AGBL1: variants seen among roughly 807,000 people sequenced by gnomAD.
The protein encoded by AGBL1 is AGBL carboxypeptidase 1.
Under a neutral mutation model 118.9 loss-of-function variants are expected in AGBL1, and 130 were observed. That is an observed-to-expected ratio of 1.09 (90% CI 0.95 to 1.26). The LOEUF is 1.26. Among genes scored for constraint, AGBL1 ranks in the 50% most tolerant of loss-of-function variants. The pLI, the probability that AGBL1 is intolerant of heterozygous loss-of-function variation, is 0.00. For synonymous variants in AGBL1, 555 were observed against 478.9 expected (o/e 1.16, Z -2.08); for missense variants, 1,584 against 1,298.1 (o/e 1.22, Z -3.38).
intron 5 of AGBL1, among the ~76,000 whole-genome samples, chr15:86,198,443 A>G (rs1256710941): frequency 1.3e-5 from 2 of 152,146 alleles, no homozygotes; most frequent in Non-Finnish European, 2.9e-5. Context: ...GATGGAGTGG[A>G]TGTACTTTGC....
chr15:86,806,224 T>A (rs1193608797), intron 22 of AGBL1, among the ~76,000 whole-genome samples: 2 of 152,052 alleles, frequency 1.3e-5, no homozygotes, highest in South Asian at 2.1e-4. Flanking sequence ...GACATAGACA[T>A]ACTATAGATC....
chr15:86,353,848 G>A (rs1343662266), intron 17 of AGBL1, among the ~76,000 whole-genome samples: 1 of 152,196 alleles, frequency 6.6e-6, no homozygotes, highest in African/African-American at 2.4e-5. Flanking sequence ...AGAGTCGTAT[G>A]AGAACCCAAT....
rs542249757 is a variant in AGBL1, at chr15:86,573,963, G to A, written c.2994+19426G>A. 3.3e-5 allele frequency among the ~76,000 whole-genome samples: 5 copies of A among 152,170 alleles called. No homozygotes were observed. The South Asian group carries it at 1.0e-3, about 32-fold the overall frequency. ...AAATACTTTCCCTTTTCAAAATGAT[G>A]TATAGTTTACAAAACATTTTCATAA... On this transcript the variant is annotated intron_variant, in intron 21 of 22. Coordinates refer to ENST00000614907, the MANE Select transcript of AGBL1 (RefSeq NM_001386094.1).
At chr15:86,882,144 A>G (rs979814081) in intron 22 of AGBL1, among the ~76,000 whole-genome samples, 3 of 152,182 alleles carry the variant, frequency 2.0e-5, no homozygotes, top group Non-Finnish European at 4.4e-5. Flanking sequence ...GGTCACCATG[A>G]CACGGCTACC....
At chr15:87,011,859 T>G (rs537622856) in intron 24 of AGBL1, among the ~76,000 whole-genome samples, 2 of 152,340 alleles carry the variant, frequency 1.3e-5, no homozygotes, top group Admixed American at 1.3e-4. Context: ...ATTGTGTATA[T>G]TTTTCTAATT....
chr15:86,682,104 G>C (rs757702189), intron 22 of AGBL1, among the ~76,000 whole-genome samples: 1 of 152,046 alleles, frequency 6.6e-6, no homozygotes, highest in Non-Finnish European at 1.5e-5. Flanking sequence ...AAAAATTAGC[G>C]CATAGTATGA....
chr15:86,829,244 C>T (rs1363063959), intron 22 of AGBL1, among the ~76,000 whole-genome samples: 1 of 152,090 alleles, frequency 6.6e-6, no homozygotes, highest in Non-Finnish European at 1.5e-5. Context: ...AGAGGCACAA[C>T]TCTTAGTGGG....
At chr15:86,426,690 T>C (rs1341074153) in intron 18 of AGBL1, among the ~76,000 whole-genome samples, 1 of 152,240 alleles carries the variant, frequency 6.6e-6, no homozygotes, top group Non-Finnish European at 1.5e-5. Flanking sequence ...GTTGAAATCC[T>C]TTGTGGATCA....
intron 21 of AGBL1, among the ~76,000 whole-genome samples, chr15:86,563,768 G>A (rs1012362147): frequency 1.3e-5 from 2 of 152,144 alleles, no homozygotes; most frequent in African/African-American, 4.8e-5. Flanking sequence ...GGGAGTCTAA[G>A]TCTCTTTGTA....
intron 22 of AGBL1, among the ~76,000 whole-genome samples, chr15:86,833,775 A>C (rs181213134): frequency 7.9e-5 from 12 of 152,170 alleles, no homozygotes; most frequent in African/African-American, 1.2e-4. Flanking sequence ...AATCAACAAG[A>C]GTACATAGTG....
At chr15:86,120,539 G>T (rs1898032471) in intron 1 of AGBL1, among the ~76,000 whole-genome samples, 1 of 152,162 alleles carries the variant, frequency 6.6e-6, no homozygotes. Context: ...AGAGCACAAG[G>T]TGCATGGGTA....
chr15:86,200,550 A>ACCCC (rs60352336), intron 5 of AGBL1, among the ~76,000 whole-genome samples: 8 of 72,128 alleles, frequency 1.1e-4, no homozygotes, highest in Non-Finnish European at 1.8e-4. Flanking sequence ...ATAGACCCCT[A>ACCCC]CCCCCCCCCC....
chr15:86,298,432 GA>G (rs893274624), intron 17 of AGBL1, among the ~76,000 whole-genome samples: 2 of 147,338 alleles, frequency 1.4e-5, no homozygotes, highest in Admixed American at 6.8e-5. Flanking sequence ...TCTAAAAGAA[GA>G]AAAAAAACCC....
chr15:86,460,057 C>T (rs964823167), intron 18 of AGBL1, among the ~76,000 whole-genome samples: 1 of 151,976 alleles, frequency 6.6e-6, no homozygotes, highest in Non-Finnish European at 1.5e-5. Context: ...TATTTTTGGT[C>T]AGGGCCAGGC....
chr15:86,252,512 T>A (rs924878900), intron 7 of AGBL1, among the ~76,000 whole-genome samples: 1 of 152,156 alleles, frequency 6.6e-6, no homozygotes, highest in African/African-American at 2.4e-5. Flanking sequence ...TCAGGAAACT[T>A]AGAATCCTAT....
At chr15:86,904,347 A>G (rs1455061234) in intron 22 of AGBL1, among the ~76,000 whole-genome samples, 2 of 151,190 alleles carry the variant, frequency 1.3e-5, no homozygotes, top group African/African-American at 4.8e-5. Flanking sequence ...TTATTTTTTT[A>G]GTATATAATA....
chr15:86,847,919 T>C (rs1380692716), intron 22 of AGBL1, among the ~76,000 whole-genome samples: 1 of 152,198 alleles, frequency 6.6e-6, no homozygotes, highest in Non-Finnish European at 1.5e-5. Flanking sequence ...TCTGCTGCTT[T>C]ATTGCTTGAT....
At chr15:86,973,462 AG>A (rs1166266204) in intron 23 of AGBL1, among the ~76,000 whole-genome samples, 14 of 151,430 alleles carry the variant, frequency 9.2e-5, no homozygotes, top group African/African-American at 3.4e-4. Context: ...ACTCAGTGTC[AG>A]CCTACATTCC....
intron 18 of AGBL1, among the ~76,000 whole-genome samples, chr15:86,460,591 T>C (rs185516711): frequency 1.3e-3 from 201 of 152,322 alleles, no homozygotes; most frequent in African/African-American, 4.7e-3. Flanking sequence ...GTACCTCTCC[T>C]GGAGACAGGG....
Sources: gnomAD v4.1 joint callset for allele counts (sites outside exome capture counted in the v4.1 genomes callset) on GRCh38, gnomAD v4.1.1 for gene constraint, MANE v1.5 for transcripts, NCBI Gene and HGNC (gene_info 2026-07-23, HGNC 2026-07-21) for gene names.